LAMA3: variants seen among roughly 807,000 people sequenced by gnomAD.
LAMA3 encodes laminin subunit alpha 3, also known as laminin subunit alpha-3.
A neutral mutation model predicts 402.0 loss-of-function variants in LAMA3; 281 were observed. The observed-to-expected ratio is 0.70, with a 90% CI of 0.63 to 0.77. The LOEUF is 0.77. Ranked by LOEUF, LAMA3 falls within the 30% of genes least tolerant of loss-of-function variation. The probability of loss-of-function intolerance (pLI) is 0.00; values close to 1 mark genes in which losing one functional copy is unlikely to be tolerated. For missense variants in LAMA3, 3,840 were observed against 4,215.5 expected, an observed-to-expected ratio of 0.91 and a Z score of 2.47; for synonymous variants, 1,431 against 1,558.4, an observed-to-expected ratio of 0.92 and a Z score of 1.93.
chr18:23,822,334 C>T lies in LAMA3; in HGVS notation c.2387C>T (p.Thr796Ile). ...ATTCTGAGATACGTTAACCCTGGAA[C>T]TGAAGCAGTATCTGGCCATATAACT... ...RVILRYVNPGTEAVSGHITIY... is the reference protein window; with the variant it reads ...RVILRYVNPGIEAVSGHITIY... The change falls in exon 20 of 75, where the codon ACT (threonine) becomes ATT (isoleucine). Residue 796 changes from threonine (T) to isoleucine (I), a missense_variant. Coordinates refer to ENST00000313654, the MANE Select transcript of LAMA3 (RefSeq NM_198129.4). 2 of 1,613,764 alleles carry T rather than the reference C, an allele frequency of 1.2e-6. No homozygotes were observed. The highest frequency in any genetic ancestry group is 1.7e-6 in the Non-Finnish European group (2 of 1,179,712).
At position 23,932,244 on chromosome 18, in the gene LAMA3, G is replaced by A. The variant is rs1278388781; in HGVS notation, c.8661G>A (p.Leu2887=). ...HISSSRQSLR[L]GGSNFEGCIS... is the part of the protein sequence containing the mutation. ...CAAGTTCCCGGCAGTCTCTGCGTCTGGGCGGGAGCAATTTTGAGGGTTGTA... is the reference window on the plus strand; with the variant it reads ...CAAGTTCCCGGCAGTCTCTGCGTCTAGGCGGGAGCAATTTTGAGGGTTGTA... Residue 2887 remains leucine (L), a synonymous_variant, in exon 66 of 75, where the codon CTG becomes CTA. Transcript: ENST00000313654. 6 of 1,614,096 alleles carry A rather than the reference G, an allele frequency of 3.7e-6. 1 individual carries two copies. Among genetic ancestry groups the A allele is most frequent in the Non-Finnish European group, 2.5e-6 (3 of 1,179,930 alleles).
chr18:23,943,799 C>T lies in LAMA3; in HGVS notation c.9038C>T (p.Ala3013Val). 6 of 1,613,926 alleles carry T rather than the reference C, an allele frequency of 3.7e-6. No homozygotes were observed. Among genetic ancestry groups the T allele is most frequent in the Non-Finnish European group, 5.1e-6 (6 of 1,179,816 alleles). Residue 3013 changes from alanine (A) to valine (V), a missense_variant, in exon 69 of 75, where the codon GCT becomes GTT. Physicochemically the swap from Ala to Val is moderately conservative, Grantham distance 64 (BLOSUM62 0). This residue lies in a region of LAMA3 where 840 missense variants were observed against 981.9 expected (regional missense o/e 0.86). Coordinates refer to ENST00000313654, the MANE Select transcript of LAMA3 (RefSeq NM_198129.4). ...GATGTTCCCAACAGGTCACAGTTTG[C>T]TGTGGACATGCAGACAACATCCTCC... ...QELLKPRSQF[A>V]VDMQTTSSRG...
intron 27 of LAMA3, 83 bp downstream of exon 27, chr18:23,840,012 C>T (rs1006419384): frequency 2.8e-6 from 4 of 1,452,780 alleles, no homozygotes; most frequent in Non-Finnish European, 3.9e-6. Context: ...AACTTGTCAG[C>T]AATGCAGATT....
intron 68 of LAMA3, among the ~76,000 whole-genome samples, chr18:23,940,939 CTTTTTT>C (rs370811901): frequency 1.5e-5 from 2 of 133,256 alleles, no homozygotes; most frequent in African/African-American, 2.8e-5. Flanking sequence ...TCTTTCTTTT[CTTTTTT>C]TTTTTTTTTG....
At chr18:23,770,205 A>G (rs1242024995) in intron 8 of LAMA3, among the ~76,000 whole-genome samples, 1 of 152,214 alleles carries the variant, frequency 6.6e-6, no homozygotes, top group African/African-American at 2.4e-5. Context: ...AACATCAACA[A>G]TAACCATGAA....
rs1026273046 is a variant in LAMA3, at chr18:23,954,792, T to C, written c.*144T>C. ...CGAATCTAATTTTGAATTCTGACCA[T>C]GGATACCCATCACTTTGGCATTCAG... is the stretch of plus-strand genomic sequence containing the variant. On this transcript the variant is annotated 3_prime_UTR_variant, in exon 75 of 75. Coordinates refer to ENST00000313654, the MANE Select transcript of LAMA3 (RefSeq NM_198129.4). 7.3e-6 allele frequency: 6 copies of C among 821,782 alleles called. No homozygotes were observed. The highest frequency in any genetic ancestry group is 1.2e-5 in the Non-Finnish European group (6 of 484,446). 50.9% of individuals were successfully genotyped at this position (821,782 alleles called of 1,614,324 possible).
At position 23,810,475 on chromosome 18, in the gene LAMA3, A is replaced by G. The variant is rs2063046797; in HGVS notation, c.1713A>G (p.Ser571=). The change falls in exon 13 of 75, where the codon TCA becomes TCG. Residue 571 remains serine, a synonymous_variant. Coordinates refer to ENST00000313654, the MANE Select transcript of LAMA3 (RefSeq NM_198129.4). ...GACAGCGGTGTGACAGGTGTCTCTC[A>G]GGAGCTTATGATTTCCCCCACTGCC... is the stretch of plus-strand genomic sequence containing the variant. ...VTGQRCDRCL[S]GAYDFPHCQG... is the part of the protein sequence containing the mutation. 3.1e-6 allele frequency: 5 copies of G among 1,614,118 alleles called. No individual in the cohort carries two copies. Among genetic ancestry groups the G allele is most frequent in the Non-Finnish European group, 4.2e-6 (5 of 1,180,018 alleles).
At chr18:23,834,215 G>A in intron 24 of LAMA3, 2 of 540,514 alleles carry the variant, frequency 3.7e-6, no homozygotes, top group Admixed American at 3.0e-5. Flanking sequence ...GCTGTATGCT[G>A]TACTTAGCAA....
intron 67 of LAMA3, among the ~76,000 whole-genome samples, 179 bp from the exon 68 acceptor site, chr18:23,939,044 G>T (rs1342074688): frequency 6.6e-6 from 1 of 152,138 alleles, no homozygotes; most frequent in African/African-American, 2.4e-5. Flanking sequence ...CTCCATACCA[G>T]TCAGTGACCC....
Position 23,689,921 on chromosome 18 carries a change from C to A in LAMA3, c.238C>A (p.Leu80Ile). Residue 80 changes from leucine (L) to isoleucine (I), a missense_variant, in exon 1 of 75, where the codon CTC (leucine) becomes ATC (isoleucine). Leu to Ile is a conservative substitution (Grantham distance 5, BLOSUM62 2). Around this residue, in one of 3 missense-constraint regions of LAMA3, gnomAD observed 2,109 missense variants for 2,376.0 expected, o/e 0.89. Coordinates refer to ENST00000313654, the MANE Select transcript of LAMA3 (RefSeq NM_198129.4). ...GPGEGRPQPE[L>I]YCKLVGGPTA... is the part of the protein sequence containing the mutation. Reference sequence around the variant, plus strand: ...CGGCGAGGGGAGGCCCCAGCCCGAGCTCTACTGCAAGTTGGTCGGGGGCCC... The same window carrying A: ...CGGCGAGGGGAGGCCCCAGCCCGAGATCTACTGCAAGTTGGTCGGGGGCCC... 15 of 1,532,146 alleles carry A rather than the reference C, an allele frequency of 9.8e-6. No individual in the cohort carries two copies. The highest frequency in any genetic ancestry group is 1.3e-5 in the Non-Finnish European group (15 of 1,139,608). 94.9% of individuals were successfully genotyped at this position (1,532,146 alleles called of 1,614,324 possible).
At chr18:23,932,527 C>A (rs543321429) in intron 66 of LAMA3, 2 of 448,644 alleles carry the variant, frequency 4.5e-6, no homozygotes, top group East Asian at 8.7e-5. Flanking sequence ...TTGGAAAAGA[C>A]CTAATTAAAA....
chr18:23,928,544 A>C (rs1469476610), intron 63 of LAMA3, 81 bp from the exon 64 acceptor site: 2 of 1,333,028 alleles, frequency 1.5e-6, no homozygotes, highest in Middle Eastern at 1.8e-4. Flanking sequence ...CAGTTTGAGT[A>C]AAGTGAGATA....
At chr18:23,788,559 A>G (rs2062591021) in intron 12 of LAMA3, among the ~76,000 whole-genome samples, 1 of 151,964 alleles carries the variant, frequency 6.6e-6, no homozygotes, top group Admixed American at 6.6e-5. Context: ...ATCCAACACT[A>G]TCAATAATAA....
Position 23,899,396 on chromosome 18 carries a change from A to G in LAMA3, c.5945A>G (p.Asn1982Ser). 1 of 1,614,204 alleles carries G rather than the reference A, an allele frequency of 6.2e-7. No homozygotes were observed. Among genetic ancestry groups the G allele is most frequent in the Non-Finnish European group, 8.5e-7 (1 of 1,180,016 alleles). ...EAQRMMRELR[N>S]RNFGKHLREA... ...CAGCGCATGATGAGGGAACTGCGGA[A>G]CAGGAACTTTGGAAAGCACCTCAGA... Residue 1982 changes from asparagine (N) to serine (S), a missense_variant, in exon 47 of 75, where the codon AAC becomes AGC. Coordinates refer to ENST00000313654, the MANE Select transcript of LAMA3 (RefSeq NM_198129.4).
intron 19 of LAMA3, among the ~76,000 whole-genome samples, chr18:23,821,915 G>C (rs2063292330): frequency 6.6e-6 from 1 of 152,232 alleles, no homozygotes; most frequent in East Asian, 1.9e-4. Flanking sequence ...AGCCAGTGGT[G>C]GTTGCTCCGT....
At chr18:23,766,423 A>G (rs995215344) in intron 8 of LAMA3, among the ~76,000 whole-genome samples, 6 of 152,264 alleles carry the variant, frequency 3.9e-5, no homozygotes, top group African/African-American at 4.8e-5. Flanking sequence ...GACCTACACT[A>G]CAAGATATGC....
intron 23 of LAMA3, among the ~76,000 whole-genome samples, chr18:23,832,702 A>C (rs1369299510): frequency 1.3e-5 from 2 of 152,206 alleles, no homozygotes; most frequent in African/African-American, 2.4e-5. Context: ...AAAATTAAAG[A>C]CAACCTGTGT....
chr18:23,951,627 G>C, intron 72 of LAMA3, 57 bp from the exon 73 acceptor site: 1 of 1,390,062 alleles, frequency 7.2e-7, no homozygotes, highest in Non-Finnish European at 1.0e-6. Context: ...GATGGCAGGG[G>C]AAGGTCGGCT....
chr18:23,838,494 A>G lies in LAMA3; in HGVS notation c.3094-287A>G, dbSNP rs539293827. ...AAAAACAGGCACTGGAAGTCACTGA[A>G]AAGAGTAGTTTCTGAGCTTCCTTAT... is the stretch of plus-strand genomic sequence containing the variant. On this transcript the variant is annotated intron_variant, in intron 25 of 74. Coordinates refer to ENST00000313654, the MANE Select transcript of LAMA3 (RefSeq NM_198129.4). Among the ~76,000 whole-genome samples the G allele has an allele frequency of 5.9e-5, 9 of 152,294 alleles. No homozygotes were observed. In the East Asian group the frequency reaches 1.5e-3, roughly 26 times the overall value.
Sources: allele counts gnomAD v4.1 joint callset (sites outside exome capture counted in the v4.1 genomes callset), GRCh38; gene constraint gnomAD v4.1.1; regional missense constraint gnomAD v4.1.1; transcripts MANE v1.5; gene names NCBI Gene and HGNC (gene_info 2026-07-23, HGNC 2026-07-21).